SETD2: variants seen among roughly 807,000 people sequenced by gnomAD.
SETD2 encodes the protein histone-lysine N-methyltransferase SETD2.
Under a neutral mutation model 242.1 loss-of-function variants are expected in SETD2, and 31 were observed. The ratio of observed to expected loss-of-function variants is 0.13; its 90% confidence interval spans 0.10 to 0.17. The LOEUF (loss-of-function observed/expected upper bound fraction) is 0.17. Among genes scored for constraint, SETD2 ranks in the 10% least tolerant of loss-of-function variants. SETD2 has a pLI of 1.00. For synonymous variants in SETD2, 1,006 were observed against 1,066.5 expected, an observed-to-expected ratio of 0.94 and a Z score of 1.11; for missense variants, 2,481 against 3,046.3, an observed-to-expected ratio of 0.81 and a Z score of 4.37.
rs2107539432 is a variant in SETD2, at chr3:47,042,595, C to T, written c.7204G>A (p.Glu2402Lys). 1 of 1,614,084 alleles carries T rather than the reference C, an allele frequency of 6.2e-7. No individual in the cohort carries two copies. The highest frequency in any genetic ancestry group is 8.5e-7 in the Non-Finnish European group (1 of 1,180,006). ...PPNWKTARDPEGKIYYYHVIT... is the reference protein window; with the variant it reads ...PPNWKTARDPKGKIYYYHVIT... The stretch of plus-strand genomic sequence containing the variant: ...ACATGGTAGTAATAAATCTTCCCTT[C>T]TGGATCTCGAGCTGTCTTCCAGTTG... Residue 2402 changes from glutamate to lysine, a missense_variant, in exon 17 of 21, where the codon GAA (glutamate) becomes AAA (lysine). Glu to Lys is a moderately conservative substitution (Grantham distance 56). This residue lies in a region of SETD2 where 235 missense variants were observed against 293.9 expected (regional missense o/e 0.80). Coordinates refer to ENST00000409792, the MANE Select transcript of SETD2 (RefSeq NM_014159.7).
chr3:47,099,152 T>C (rs1265928149), intron 8 of SETD2, among the ~76,000 whole-genome samples: 1 of 152,140 alleles, frequency 6.6e-6, no homozygotes, highest in East Asian at 1.9e-4. Flanking sequence ...TGAAGGAGTA[T>C]GTAAAAGACC....
rs548429681 is a variant in SETD2, at chr3:47,112,703, C to T, written c.4715+1173G>A. Reference sequence around the variant, plus strand: ...CTCCCAAGTTCAAGCGATTCTCCTACCTCAGCCTCCCAGGTAGCTGGGATT... The same window carrying T: ...CTCCCAAGTTCAAGCGATTCTCCTATCTCAGCCTCCCAGGTAGCTGGGATT... On this transcript the variant is annotated intron_variant, in intron 5 of 20. Transcript: ENST00000409792. Among the ~76,000 whole-genome samples, 5 of 152,320 alleles carry T rather than the reference C, an allele frequency of 3.3e-5. No individual in the cohort carries two copies. In the South Asian group the frequency reaches 8.3e-4, roughly 25 times the overall value.
chr3:47,088,291 C>CAA lies in SETD2; in HGVS notation c.5143-46_5143-45dup, dbSNP rs748501527. On this transcript the variant is annotated intron_variant, in intron 9 of 20. Transcript: ENST00000409792. Reference sequence around the variant, plus strand: ...ATACCTTTTTATAAAACAACAACAACAAAAAAAAAAACCAAAAACCCAAAA... The same window carrying CAA: ...ATACCTTTTTATAAAACAACAACAACAAAAAAAAAAAAACCAAAAACCCAAAA... 1.4e-3 allele frequency: 1,610 copies of CAA among 1,155,120 alleles called. 2 individuals are homozygous for CAA. Among genetic ancestry groups the CAA allele is most frequent in the Non-Finnish European group, 1.6e-3 (1,381 of 853,908 alleles). The allele number at this position is 1,155,120 out of a possible 1,614,324, so 71.6% of individuals were successfully genotyped here.
At chr3:47,079,834 C>T (rs961809836) in intron 12 of SETD2, among the ~76,000 whole-genome samples, 3 of 152,090 alleles carry the variant, frequency 2.0e-5, no homozygotes, top group African/African-American at 7.2e-5. Flanking sequence ...AAAAAATGGA[C>T]CAATAAATTT....
intron 14 of SETD2, among the ~76,000 whole-genome samples, chr3:47,061,899 A>G (rs2040348825): frequency 6.6e-6 from 1 of 152,226 alleles, no homozygotes; most frequent in Non-Finnish European, 1.5e-5. Flanking sequence ...TCGAAAGAAC[A>G]AATCTTTGGC....
At chr3:47,079,035 G>A (rs563515586) in intron 12 of SETD2, among the ~76,000 whole-genome samples, 1 of 152,194 alleles carries the variant, frequency 6.6e-6, no homozygotes, top group African/African-American at 2.4e-5. Flanking sequence ...AAAAAAATAA[G>A]GTAAAATGTT....
At chr3:47,075,408 A>C (rs1305442031) in intron 12 of SETD2, among the ~76,000 whole-genome samples, 1 of 147,822 alleles carries the variant, frequency 6.8e-6, no homozygotes, top group Non-Finnish European at 1.5e-5. Flanking sequence ...AAAAATACAA[A>C]AAGAAATTAG....
intron 12 of SETD2, among the ~76,000 whole-genome samples, chr3:47,079,166 A>C (rs900095048): frequency 6.6e-6 from 1 of 152,184 alleles, no homozygotes. Context: ...GCAGTTTTTC[A>C]TTGAGCCTGA....
At chr3:47,041,511 AAAG>A in intron 17 of SETD2, 1 of 262,294 alleles carries the variant, frequency 3.8e-6, no homozygotes, top group Non-Finnish European at 7.7e-6. Flanking sequence ...AAAAAATTTT[AAAG>A]AAAAAATTCC....
In SETD2 at chr3:47,122,627, T is replaced by C. The variant is rs1394795747; in HGVS notation, c.2009A>G (p.Glu670Gly). 3 of 1,613,788 alleles carry C rather than the reference T, an allele frequency of 1.9e-6. No homozygotes were observed. The highest frequency in any genetic ancestry group is 1.7e-5 in the Admixed American group (1 of 60,000). ...NDQLRSFCPI[E>G]LNINGSPGAE... ...CCCAGGAGATCCATTTATATTTAAT[T>C]CTATGGGACAAAAACTTCTTAATTG... is the stretch of plus-strand genomic sequence containing the variant. The change falls in exon 3 of 21, where the codon GAA (glutamate) becomes GGA (glycine). Residue 670 changes from glutamate (E) to glycine (G), a missense_variant. Around this residue, in one of 17 missense-constraint regions of SETD2, gnomAD observed 1,300 missense variants for 1,259.2 expected, o/e 1.03. Coordinates refer to ENST00000409792, the MANE Select transcript of SETD2 (RefSeq NM_014159.7).
At chr3:47,038,949 C>G (rs1452706538) in intron 17 of SETD2, among the ~76,000 whole-genome samples, 3 of 152,156 alleles carry the variant, frequency 2.0e-5, no homozygotes, top group African/African-American at 7.2e-5. Context: ...AATCTTCAGT[C>G]AACAACATAA....
intron 18 of SETD2, among the ~76,000 whole-genome samples, chr3:47,035,538 T>C (rs1037992568): frequency 7.2e-5 from 11 of 152,230 alleles, no homozygotes. Context: ...CAGGTCTTCA[T>C]ATAAGAAAGG....
chr3:47,094,678 C>T (rs924740035), intron 9 of SETD2, among the ~76,000 whole-genome samples: 1 of 152,210 alleles, frequency 6.6e-6, no homozygotes, highest in African/African-American at 2.4e-5. Context: ...TACAATTAAC[C>T]TCTGCATTAG....
intron 12 of SETD2, among the ~76,000 whole-genome samples, chr3:47,081,598 A>G (rs1235029577): frequency 2.6e-5 from 4 of 152,224 alleles, no homozygotes; most frequent in Non-Finnish European, 5.9e-5. Context: ...TCTCTAAAAC[A>G]TGTTCAAATT....
At chr3:47,036,710 CTGGCCAACA>C (rs2039011980) in intron 18 of SETD2, among the ~76,000 whole-genome samples, 1 of 151,702 alleles carries the variant, frequency 6.6e-6, no homozygotes, top group African/African-American at 2.4e-5. Flanking sequence ...CAAAACCAGC[CTGGCCAACA>C]TGGTGAAACC....
intron 5 of SETD2, among the ~76,000 whole-genome samples, chr3:47,113,620 C>T (rs1230688902): frequency 6.6e-6 from 1 of 151,896 alleles, no homozygotes; most frequent in Non-Finnish European, 1.5e-5. Flanking sequence ...GGAAAACTTG[C>T]GGTCAGAGTT....
intron 15 of SETD2, among the ~76,000 whole-genome samples, chr3:47,050,861 G>C (rs2039803897): frequency 6.6e-6 from 1 of 150,416 alleles, no homozygotes; most frequent in Non-Finnish European, 1.5e-5. Context: ...CTCCTGAGTA[G>C]CTGGGATTAT....
At chr3:47,136,952 T>TA (rs779066871) in intron 1 of SETD2, among the ~76,000 whole-genome samples, 7 of 151,652 alleles carry the variant, frequency 4.6e-5, no homozygotes, top group Non-Finnish European at 7.4e-5. Flanking sequence ...AGAATCCATC[T>TA]AAAAAAAAGG....
intron 1 of SETD2, among the ~76,000 whole-genome samples, chr3:47,158,829 T>C (rs1328459363): frequency 6.6e-6 from 1 of 152,228 alleles, no homozygotes; most frequent in Non-Finnish European, 1.5e-5. Flanking sequence ...TCACAATTAA[T>C]ACTACTGTAG....
Sources: allele counts gnomAD v4.1 joint callset (sites outside exome capture counted in the v4.1 genomes callset), GRCh38; gene constraint gnomAD v4.1.1; regional missense constraint gnomAD v4.1.1; transcripts MANE v1.5; gene names NCBI Gene and HGNC (gene_info 2026-07-23, HGNC 2026-07-21).